AFAP1L1: variants seen among roughly 807,000 people sequenced by gnomAD.
AFAP1L1 encodes actin filament-associated protein 1-like 1.
AFAP1L1 carries 77 observed loss-of-function variants against 99.8 expected under a neutral mutation model. The ratio of observed to expected loss-of-function variants is 0.77; its 90% CI spans 0.64 to 0.93. AFAP1L1 has a LOEUF of 0.93. AFAP1L1 is among the 40% of genes least tolerant of loss of function. AFAP1L1 has a pLI of 0.00. For synonymous variants in AFAP1L1, 373 were observed against 395.3 expected (o/e 0.94, Z 0.67); for missense variants, 893 against 996.8 (o/e 0.90, Z 1.40).
intron 1 of AFAP1L1, among the ~76,000 whole-genome samples, chr5:149,273,759 C>T (rs753975398): frequency 1.3e-5 from 2 of 151,436 alleles, no homozygotes; most frequent in Non-Finnish European, 2.9e-5. Context: ...ATACCACCAT[C>T]CCCCCTCCCC....
chr5:149,334,913 A>G (rs1319520731), intron 17 of AFAP1L1, among the ~76,000 whole-genome samples: 1 of 152,188 alleles, frequency 6.6e-6, no homozygotes, highest in East Asian at 1.9e-4. Context: ...AGAAAGAAAG[A>G]AAGGGCTATG....
intron 1 of AFAP1L1, among the ~76,000 whole-genome samples, chr5:149,290,737 T>C (rs1372992964): frequency 6.6e-6 from 1 of 152,238 alleles, no homozygotes; most frequent in South Asian, 2.1e-4. Context: ...TTTTTTCTTT[T>C]TTTCAAGCAT....
intron 1 of AFAP1L1, among the ~76,000 whole-genome samples, chr5:149,291,524 C>CAAAAAAAAAAAAA (rs1229134807): frequency 2.2e-4 from 3 of 13,394 alleles, no homozygotes; most frequent in African/African-American, 4.5e-4. Context: ...GACTCCGTCT[C>CAAAAAAAAAAAAA]AAAAAAAAAA....
intron 1 of AFAP1L1, among the ~76,000 whole-genome samples, chr5:149,278,796 T>A (rs1056584035): frequency 6.6e-6 from 1 of 152,232 alleles, no homozygotes; most frequent in Non-Finnish European, 1.5e-5. Context: ...TCTTCCCTCT[T>A]GCTCTGTCTC....
chr5:149,339,882 G>A (rs1453105832), intron 18 of AFAP1L1, 125 bp from the exon 19 acceptor site: 3 of 848,438 alleles, frequency 3.5e-6, no homozygotes, highest in Non-Finnish European at 5.6e-6. Flanking sequence ...GAGAGAGAGG[G>A]GGTTAGAACC....
intron 1 of AFAP1L1, 87 bp downstream of exon 1, chr5:149,272,071 G>C (rs1216391313): frequency 8.5e-7 from 1 of 1,177,468 alleles, no homozygotes; most frequent in Non-Finnish European, 1.1e-6. Flanking sequence ...GGAGGAGGGA[G>C]AGAGGCGGGC....
At chr5:149,334,243 C>T (rs939614762) in intron 17 of AFAP1L1, among the ~76,000 whole-genome samples, 2 of 152,338 alleles carry the variant, frequency 1.3e-5, no homozygotes, top group East Asian at 3.9e-4. Flanking sequence ...TACATCCCTA[C>T]ACTTCCTTTC....
In AFAP1L1 at chr5:149,322,622, G is replaced by A. The variant is rs559848026; in HGVS notation, c.1715G>A (p.Arg572His). ...YEKMQDEEPE[R>H]PTGAQVKRHA... is the part of the protein sequence containing the mutation. Reference sequence around the variant, plus strand: ...TCCCACCAGGACGAGGAGCCCGAGCGCCCCACAGGGGCCCAGGTGAAGCGT... The same window carrying A: ...TCCCACCAGGACGAGGAGCCCGAGCACCCCACAGGGGCCCAGGTGAAGCGT... Residue 572 changes from arginine (R) to histidine (H), a missense_variant, in exon 15 of 19, where the codon CGC becomes CAC. Coordinates refer to ENST00000296721, the MANE Select transcript of AFAP1L1 (RefSeq NM_152406.4). The A allele has an allele frequency of 8.9e-6, 14 of 1,581,468 alleles. No homozygotes were observed. Among genetic ancestry groups the A allele is most frequent in the Admixed American group, 1.8e-5 (1 of 55,708 alleles).
chr5:149,310,234 T>G (rs971881109), intron 8 of AFAP1L1, 99 bp downstream of exon 8: 1 of 1,414,142 alleles, frequency 7.1e-7, no homozygotes, highest in Non-Finnish European at 9.3e-7. Flanking sequence ...AAGAGCCTCT[T>G]GCTCAGTGCC....
rs529607374 is a variant in AFAP1L1, at chr5:149,307,249, A to G, written c.536-153A>G. On this transcript the variant is annotated intron_variant, in intron 6 of 18. Transcript: ENST00000296721. ...GTGACAGAGCGAGATTCCGTCTCCA[A>G]AAAAAAAGTAGGGGCCTTAGTCATT... 4.6e-5 allele frequency among the ~76,000 whole-genome samples: 7 copies of G among 151,736 alleles called. No homozygotes were observed. The South Asian group carries it at 6.3e-4, about 14-fold the overall frequency.
At chr5:149,314,101 A>G (rs1756722954) in intron 9 of AFAP1L1, among the ~76,000 whole-genome samples, 1 of 152,232 alleles carries the variant, frequency 6.6e-6, no homozygotes, top group African/African-American at 2.4e-5. Context: ...TCACTGAGGC[A>G]GAGGTGGGCC....
chr5:149,290,862 G>A (rs879022254), intron 1 of AFAP1L1, among the ~76,000 whole-genome samples: 28 of 152,150 alleles, frequency 1.8e-4, no homozygotes, highest in African/African-American at 5.8e-4. Flanking sequence ...AGAATTTATT[G>A]TTCCATGTAT....
At chr5:149,304,983 C>G (rs1355578388) in intron 5 of AFAP1L1, among the ~76,000 whole-genome samples, 1 of 152,210 alleles carries the variant, frequency 6.6e-6, no homozygotes, top group African/African-American at 2.4e-5. Flanking sequence ...GCACCATCCC[C>G]TGAGCTGGCA....
At position 149,320,837 on chromosome 5, in the gene AFAP1L1, C is replaced by T. The variant is rs1018520250; in HGVS notation, c.1698+374C>T. On this transcript the variant is annotated intron_variant, in intron 14 of 18. Transcript: ENST00000296721. The surrounding 1 kb of genome is among the most constrained non-coding windows in gnomAD (Gnocchi z 4.0). The stretch of plus-strand genomic sequence containing the variant: ...GCAGGTCCTGACTCTGGGACCACCC[C>T]GCAAGCCTTCACCTGGTGACTTTGT... Among the ~76,000 whole-genome samples, 4 of 152,186 alleles carry T rather than the reference C, an allele frequency of 2.6e-5. No homozygotes were observed. The highest frequency in any genetic ancestry group is 1.9e-4 in the East Asian group (1 of 5,200).
At chr5:149,331,588 C>G (rs538467556) in intron 16 of AFAP1L1, among the ~76,000 whole-genome samples, 3 of 151,750 alleles carry the variant, frequency 2.0e-5, no homozygotes, top group Non-Finnish European at 4.4e-5. Context: ...CCACTGCACT[C>G]CAGCCTGGGT....
intron 9 of AFAP1L1, 138 bp downstream of exon 9, chr5:149,312,342 AC>A (rs1176679624): frequency 6.3e-6 from 5 of 795,226 alleles, no homozygotes; most frequent in African/African-American, 1.7e-5. Flanking sequence ...AGCTGGCACA[AC>A]AGTAGGTGCT....
At chr5:149,315,181 T>C (rs1053323817) in intron 9 of AFAP1L1, among the ~76,000 whole-genome samples, 13 of 152,180 alleles carry the variant, frequency 8.5e-5, no homozygotes, top group African/African-American at 2.4e-4. Flanking sequence ...GTAAAACTAA[T>C]TTGGGCTGGC....
chr5:149,281,208 C>G (rs1480441650), intron 1 of AFAP1L1, among the ~76,000 whole-genome samples: 1 of 152,118 alleles, frequency 6.6e-6, no homozygotes, highest in Non-Finnish European at 1.5e-5. Context: ...AGAGAATTGA[C>G]CCACTAAATT....
At chr5:149,293,692 A>G (rs775454621) in intron 1 of AFAP1L1, among the ~76,000 whole-genome samples, 14 of 152,190 alleles carry the variant, frequency 9.2e-5, no homozygotes, top group Non-Finnish European at 2.1e-4. Flanking sequence ...TGTGGAAAGT[A>G]TTAGAAAATA....
Sources: gnomAD v4.1 joint callset for allele counts (sites outside exome capture counted in the v4.1 genomes callset) on GRCh38, gnomAD v4.1.1 for gene constraint, Gnocchi (gnomAD v3.1) non-coding constraint, MANE v1.5 for transcripts, NCBI Gene and HGNC (gene_info 2026-07-23, HGNC 2026-07-21) for gene names.